OBSL1: variants seen among roughly 807,000 people sequenced by gnomAD.
The protein encoded by OBSL1 is obscurin-like protein 1.
In OBSL1, 160 loss-of-function variants were observed where a neutral mutation model predicts 172.0. That is an observed-to-expected ratio of 0.93 (90% CI 0.82 to 1.06). OBSL1 has a LOEUF of 1.06. Among genes scored for constraint, OBSL1 ranks in the 50% least tolerant of loss-of-function variants. The probability of loss-of-function intolerance (pLI) is 0.00; values close to 1 mark genes in which losing one functional copy is unlikely to be tolerated. For synonymous variants in OBSL1, 1,200 were observed against 1,196.3 expected (o/e 1.00, Z -0.06); for missense variants, 2,681 against 2,715.4 (o/e 0.99, Z 0.28).
At chr2:219,558,486 C>A in intron 9 of OBSL1, 27 bp from the exon 10 acceptor site, 1 of 1,533,102 alleles carries the variant, frequency 6.5e-7, no homozygotes, top group Non-Finnish European at 8.8e-7. Flanking sequence ...GAGAGGGGCA[C>A]ATAGGCTTGG....
At position 219,556,506 on chromosome 2, in the gene OBSL1, G is replaced by A. The variant is rs781053250; in HGVS notation, c.4284C>T (p.Thr1428=). ...CCGTGCTCCCTGCCCGCAAAGTCACGGTCCCTGCATCCCCCAGTTGGCAGC... is the reference window on the plus strand; with the variant it reads ...CCGTGCTCCCTGCCCGCAAAGTCACAGTCCCTGCATCCCCCAGTTGGCAGC... ...LRGCQLGDAG[T]VTLRAGSTAT... The change falls in exon 13 of 21, where the codon ACC becomes ACT. Residue 1428 remains threonine (T), a synonymous_variant. Coordinates refer to ENST00000404537, the MANE Select transcript of OBSL1 (RefSeq NM_015311.3). 1.4e-5 allele frequency: 22 copies of A among 1,613,814 alleles called. No individual in the cohort carries two copies. Among genetic ancestry groups the A allele is most frequent in the South Asian group, 2.2e-5 (2 of 91,078 alleles).
rs761219588 is a variant in OBSL1, at chr2:219,565,452, G to A, written c.2197C>T (p.Arg733Trp). ...GAGAGCTCACAAGTCAGCACCACCC[G>A]CTCTGAGGTTGTGAAGGTCAACGAC... is the stretch of plus-strand genomic sequence containing the variant. The part of the protein sequence containing the change: ...RVSLTFTTSE[R>W]VVLTCELSRV... The change falls in exon 6 of 21, where the codon CGG becomes TGG. Residue 733 changes from arginine (R) to tryptophan (W), a missense_variant. Transcript: ENST00000404537. The A allele has an allele frequency of 2.0e-5, 32 of 1,613,156 alleles. No homozygotes were observed. Among genetic ancestry groups the A allele is most frequent in the East Asian group, 4.5e-5 (2 of 44,896 alleles).
At position 219,553,000 on chromosome 2, in the gene OBSL1, G is replaced by T. The variant is rs965904763; in HGVS notation, c.5014C>A (p.Pro1672Thr). ...CCGAGGGCCTGGAGCCGGAGCCGCG[G>T]GCTAGGCGTAAGCGCGTTCCCGTCC... ...EKDGNALTPSPRLRLQALGTR... is the reference protein window; with the variant it reads ...EKDGNALTPSTRLRLQALGTR... The change falls in exon 17 of 21, where the codon CCG (proline) becomes ACG (threonine). Residue 1672 changes from proline (P) to threonine (T), a missense_variant. Physicochemically the swap from Pro to Thr is conservative, Grantham distance 38 (BLOSUM62 -1). This residue lies in a region of OBSL1 where 1,765 missense variants were observed against 1,748.3 expected (regional missense o/e 1.01). Transcript: ENST00000404537. 18 of 1,524,212 alleles carry T rather than the reference G, an allele frequency of 1.2e-5. No individual in the cohort carries two copies. The East Asian group carries it at 2.5e-4, about 21-fold the overall frequency. 94.4% of individuals were successfully genotyped at this position (1,524,212 alleles called of 1,614,324 possible). A position where few individuals can be genotyped will look rare whatever the true frequency, so the allele number is the denominator to read the frequency against.
chr2:219,570,261 CGAGTT>C lies in OBSL1; in HGVS notation c.967_971del (p.Asn323GlyfsTer30), dbSNP rs1449685986. 6.3e-7 allele frequency: 1 copy of C among 1,593,874 alleles called. No homozygotes were observed. The highest frequency in any genetic ancestry group is 8.6e-7 in the Non-Finnish European group (1 of 1,167,646). On this transcript the variant is annotated frameshift_variant, in exon 1 of 21. Coordinates refer to ENST00000404537, the MANE Select transcript of OBSL1 (RefSeq NM_015311.3). LOFTEE classifies it high-confidence loss of function. ...GCACGGCACTGAGCGTCTGGCCCGCCGAGTTGCGCGCGGCGCAGACGTAGAGCCCA... is the reference window on the plus strand; with the variant it reads ...GCACGGCACTGAGCGTCTGGCCCGCCGCGCGCGGCGCAGACGTAGAGCCCA...
intron 18 of OBSL1, 144 bp downstream of exon 18, chr2:219,552,392 G>C (rs1695686022): frequency 1.1e-6 from 1 of 876,234 alleles, no homozygotes; most frequent in Non-Finnish European, 1.7e-6. Context: ...GGCTGGGGGC[G>C]GGGGAAAGAA....
Position 219,550,780 on chromosome 2 carries a change from G to C in OBSL1, c.*55C>G. On this transcript the variant is annotated 3_prime_UTR_variant, in exon 21 of 21. Coordinates refer to ENST00000404537, the MANE Select transcript of OBSL1 (RefSeq NM_015311.3). ...GTCTCTCTACCCCTGCCCAGGGTAA[G>C]GGCAAACGCCTTCCAAGCTGTCCAA... 6.3e-7 allele frequency: 1 copy of C among 1,598,512 alleles called. No homozygotes were observed. Among genetic ancestry groups the C allele is most frequent in the Non-Finnish European group, 8.5e-7 (1 of 1,172,374 alleles).
chr2:219,552,908 C>T lies in OBSL1; in HGVS notation c.5106G>A (p.Val1702=), dbSNP rs1695740658. The change falls in exon 17 of 21, where the codon GTG becomes GTA. Residue 1702 remains valine (V), a synonymous_variant. Coordinates refer to ENST00000404537, the MANE Select transcript of OBSL1 (RefSeq NM_015311.3). ...GGACCGGTCCGGCGCGGGCCGTCCC[C>T]ACCGCGCAGCTGTAGGTCCCGGCGT... ...PSDAGTYSCA[V]GTARAGPVRL... is the part of the protein sequence containing the mutation. 3.2e-6 allele frequency: 5 copies of T among 1,540,126 alleles called. No homozygotes were observed. Among genetic ancestry groups the T allele is most frequent in the Non-Finnish European group, 3.5e-6 (4 of 1,145,258 alleles).
In OBSL1 at chr2:219,563,386, A is replaced by C; in HGVS notation, c.2649T>G (p.Asp883Glu). The stretch of plus-strand genomic sequence containing the variant: ...TGGTGACAGTGAAGTAGGCACACTC[A>C]TCTCCAGCGACGCACTGAAACTCGC... The part of the protein sequence containing the change: ...DGGEFQCVAG[D>E]ECAYFTVTIT... The change falls in exon 7 of 21, where the codon GAT becomes GAG. Residue 883 changes from aspartate to glutamate, a missense_variant. Physicochemically the swap from Asp to Glu is conservative, Grantham distance 45. Coordinates refer to ENST00000404537, the MANE Select transcript of OBSL1 (RefSeq NM_015311.3). The C allele has an allele frequency of 6.2e-7, 1 of 1,600,668 alleles. No individual in the cohort carries two copies. The highest frequency in any genetic ancestry group is 8.5e-7 in the Non-Finnish European group (1 of 1,171,816).
At chr2:219,554,381 G>T in intron 15 of OBSL1, 93 bp downstream of exon 15, 1 of 1,437,246 alleles carries the variant, frequency 7.0e-7, no homozygotes, top group Non-Finnish European at 9.6e-7. Flanking sequence ...GGCATGGTCA[G>T]TGGGGGTCAC....
At chr2:219,558,614 CCTA>C in intron 9 of OBSL1, among the ~76,000 whole-genome samples, 155 bp from the exon 10 acceptor site, 1 of 152,256 alleles carries the variant, frequency 6.6e-6, no homozygotes, top group Non-Finnish European at 1.5e-5. Flanking sequence ...CAGGCACTGT[CCTA>C]AGAACCCTGT....
intron 11 of OBSL1, 73 bp downstream of exon 11, chr2:219,557,750 A>G (rs1696135645): frequency 6.5e-7 from 1 of 1,547,120 alleles, no homozygotes; most frequent in Non-Finnish European, 8.6e-7. Flanking sequence ...GAAAAGCAGG[A>G]ATCCCGCAGA....
In OBSL1 at chr2:219,558,258, G is replaced by A. The variant is rs2106039050; in HGVS notation, c.3428C>T (p.Ala1143Val). Residue 1143 changes from alanine (A) to valine (V), a missense_variant, in exon 10 of 21, where the codon GCC becomes GTC. Around this residue, in one of 5 missense-constraint regions of OBSL1, gnomAD observed 1,765 missense variants for 1,748.3 expected, o/e 1.01. Transcript: ENST00000404537. ...ATACTCCCCGGCGTCCTCAGGCTGG[G>A]CGTGGGGCAGGGTCAGGGTGCGGGT... ...GPTRTLTLPHAQPEDAGEYVC... is the reference protein window; with the variant it reads ...GPTRTLTLPHVQPEDAGEYVC... 2 of 1,610,802 alleles carry A rather than the reference G, an allele frequency of 1.2e-6. No homozygotes were observed. The highest frequency in any genetic ancestry group is 1.7e-6 in the Non-Finnish European group (2 of 1,178,608).
At position 219,558,267 on chromosome 2, in the gene OBSL1, AG is replaced by A. The variant is rs1696186646; in HGVS notation, c.3418del (p.Leu1140CysfsTer37). 6.2e-7 allele frequency: 1 copy of A among 1,610,926 alleles called. No individual in the cohort carries two copies. The highest frequency in any genetic ancestry group is 8.5e-7 in the Non-Finnish European group (1 of 1,178,780). On this transcript the variant is annotated frameshift_variant, in exon 10 of 21. Transcript: ENST00000404537. LOFTEE classifies it high-confidence loss of function. ...GGCGTCCTCAGGCTGGGCGTGGGGC[AG>A]GGTCAGGGTGCGGGTGGGCCCCTCG... ...GAEGPTRTLT[L>X]PHAQPEDAGE...
intron 12 of OBSL1, chr2:219,557,112 C>T (rs1696072765): frequency 4.0e-6 from 2 of 502,156 alleles, no homozygotes; most frequent in South Asian, 9.2e-5. Context: ...TAGGCTGGAA[C>T]CTGGCTGGGT....
intron 19 of OBSL1, 77 bp from the exon 20 acceptor site, chr2:219,551,875 T>A: frequency 1.0e-6 from 1 of 959,188 alleles, no homozygotes; most frequent in Non-Finnish European, 1.6e-6. Flanking sequence ...CTTCCCTCCC[T>A]GAAGTCTCCA....
chr2:219,549,125 G>A (rs748736062), downstream of OBSL1: 21 of 1,613,170 alleles, frequency 1.3e-5, no homozygotes, highest in South Asian at 2.2e-4. Context: ...CGTCCTCTGA[G>A]CTCCTTCTCT....
At chr2:219,558,584 A>G in intron 9 of OBSL1, 125 bp from the exon 10 acceptor site, 1 of 1,136,274 alleles carries the variant, frequency 8.8e-7, no homozygotes, top group Non-Finnish European at 1.2e-6. Context: ...GCTGCAGTCC[A>G]TGGAGCAGCT....
downstream of OBSL1, chr2:219,549,305 G>A (rs1401608967): frequency 2.3e-5 from 37 of 1,613,830 alleles, no homozygotes; most frequent in Non-Finnish European, 3.0e-5. Flanking sequence ...CCTGCTTATC[G>A]GCGCAGGCCA....
chr2:219,550,721 A>C, downstream of OBSL1: 2 of 1,414,462 alleles, frequency 1.4e-6, no homozygotes, highest in Non-Finnish European at 1.9e-6. Flanking sequence ...TCAGAGAGGC[A>C]AGGAAATGAG....
Sources: gnomAD v4.1 joint callset for allele counts (sites outside exome capture counted in the v4.1 genomes callset) on GRCh38, gnomAD v4.1.1 for gene constraint, gnomAD v4.1.1 regional missense constraint, MANE v1.5 for transcripts, NCBI Gene and HGNC (gene_info 2026-07-23, HGNC 2026-07-21) for gene names.